CAPS2: variants seen among roughly 807,000 people sequenced by gnomAD.
CAPS2 encodes calcyphosine 2.
Under a neutral mutation model 86.5 loss-of-function variants are expected in CAPS2, and 98 were observed. The observed-to-expected ratio is 1.13, with a 90% CI of 0.96 to 1.34. The LOEUF (loss-of-function observed/expected upper bound fraction) is 1.34. Among genes scored for constraint, CAPS2 ranks in the 40% most tolerant of loss-of-function variants. CAPS2 has a pLI of 0.00. For missense variants in CAPS2, 729 were observed against 686.8 expected, an observed-to-expected ratio of 1.06 and a Z score of -0.69; for synonymous variants, 210 against 225.1, an observed-to-expected ratio of 0.93 and a Z score of 0.60.
At chr12:75,292,132 T>C (rs902012098) in intron 12 of CAPS2, among the ~76,000 whole-genome samples, 4 of 152,114 alleles carry the variant, frequency 2.6e-5, no homozygotes, top group Non-Finnish European at 4.4e-5. Context: ...AGTGGCGAGA[T>C]CTCGGCTCAC....
chr12:75,381,558 G>C (rs1286278880), intron 1 of CAPS2, among the ~76,000 whole-genome samples: 1 of 116,984 alleles, frequency 8.5e-6, no homozygotes, highest in Admixed American at 8.8e-5. Flanking sequence ...TATATTACCT[G>C]TTCATTTTCT....
intron 16 of CAPS2, 34 bp downstream of exon 16, chr12:75,282,217 C>A: frequency 9.1e-7 from 1 of 1,102,408 alleles, no homozygotes; most frequent in South Asian, 1.2e-5. Context: ...GTAACATTTT[C>A]AAAGTCCAAT....
rs2138116149 is a variant in CAPS2, at chr12:75,285,094, G to C, written c.1396-14C>G. On this transcript the variant is annotated splice_polypyrimidine_tract_variant and intron_variant, in intron 14 of 16. Transcript: ENST00000393284. The stretch of plus-strand genomic sequence containing the variant: ...AGACTCAAAATCCTAGAAACAATCA[G>C]AGATAACTGTTGCATTTTTAAGTTA... 6.3e-7 allele frequency: 1 copy of C among 1,593,142 alleles called. No individual in the cohort carries two copies. Among genetic ancestry groups the C allele is most frequent in the South Asian group, 1.2e-5 (1 of 83,702 alleles).
rs1168095973 is a variant in CAPS2 at position 75,316,145 on chromosome 12, A to G, written c.591+167T>C. The G allele has an allele frequency of 8.8e-6, 8 of 905,938 alleles. No homozygotes were observed. The Admixed American group carries it at 1.7e-4, about 20-fold the overall frequency. The allele number at this position is 905,938 out of a possible 1,614,324, so 56.1% of individuals were successfully genotyped here. ...AATTTTTTTACAGAATATATACCAA[A>G]TACAATTCAATCATTTATAAAAATG... is the stretch of plus-strand genomic sequence containing the variant. On this transcript the variant is annotated intron_variant, in intron 6 of 16. Transcript: ENST00000393284.
intron 4 of CAPS2, among the ~76,000 whole-genome samples, chr12:75,322,436 G>T (rs147798696): frequency 6.6e-6 from 1 of 152,288 alleles, no homozygotes; most frequent in Non-Finnish European, 1.5e-5. Flanking sequence ...ATGAAGCAAA[G>T]CTTCAGGGTA....
At chr12:75,371,378 G>C (rs573331390) in intron 1 of CAPS2, 8 of 213,676 alleles carry the variant, frequency 3.7e-5, no homozygotes, top group Admixed American at 2.8e-4. Context: ...GCTGGCAGCC[G>C]ATTGGATGTT....
exon 17 of CAPS2, chr12:75,277,741 T>G (rs1482013330): frequency 1.2e-6 from 1 of 835,886 alleles, no homozygotes; most frequent in Non-Finnish European, 1.4e-6. Flanking sequence ...AGTAAATATT[T>G]TCATTTTGAA....
In CAPS2 at chr12:75,379,801, G is replaced by A. The variant is rs992937809; in HGVS notation, c.-395+11037C>T. Among the ~76,000 whole-genome samples the A allele has an allele frequency of 2.1e-5, 3 of 140,434 alleles. No homozygotes were observed. In the Admixed American group the frequency reaches 2.2e-4, roughly 10 times the overall value. 92.1% of individuals were successfully genotyped at this position (140,434 alleles called of 152,430 possible). Reference sequence around the variant, plus strand: ...TCTTGGGAGAAATGGTGAAGAGATAGTTTAAACAGTATTCTCTGTAGTTTA... The same window carrying A: ...TCTTGGGAGAAATGGTGAAGAGATAATTTAAACAGTATTCTCTGTAGTTTA... On this transcript the variant is annotated intron_variant, in intron 1 of 5. Transcript: ENST00000551829.
chr12:75,358,100 C>T (rs11180473), intron 1 of CAPS2, among the ~76,000 whole-genome samples: 42,958 of 150,748 alleles, frequency 0.28, 7,574 homozygotes, highest in East Asian at 0.45. Context: ...ATCTGCAAAC[C>T]ATACTGATCA....
chr12:75,334,959 G>C (rs903171490), upstream of CAPS2: 73 of 1,501,986 alleles, frequency 4.9e-5, no homozygotes, highest in African/African-American at 9.5e-4. Flanking sequence ...AGGTATCTGG[G>C]TGATAAATTT....
intron 1 of CAPS2, among the ~76,000 whole-genome samples, chr12:75,374,519 C>G (rs2044547907): frequency 6.6e-6 from 1 of 152,218 alleles, no homozygotes; most frequent in Non-Finnish European, 1.5e-5. Context: ...GTTTATTTCC[C>G]ATCCCCTCGC....
intron 1 of CAPS2, among the ~76,000 whole-genome samples, chr12:75,361,750 A>G (rs899857175): frequency 6.6e-6 from 1 of 152,168 alleles, no homozygotes; most frequent in African/African-American, 2.4e-5. Flanking sequence ...CTCACTCACT[A>G]TCATAAGAAC....
chr12:75,370,175 A>C, intron 1 of CAPS2: 1 of 1,432,056 alleles, frequency 7.0e-7, no homozygotes, highest in Non-Finnish European at 9.8e-7. Context: ...AGAATCTTTT[A>C]ATGTCATTTA....
At chr12:75,346,795 G>A (rs771460878) in intron 1 of CAPS2, among the ~76,000 whole-genome samples, 3 of 152,040 alleles carry the variant, frequency 2.0e-5, no homozygotes, top group Admixed American at 1.3e-4. Context: ...ATCAATTTAC[G>A]AAATAGCTTA....
intron 1 of CAPS2, chr12:75,370,293 C>T (rs1049621555): frequency 3.6e-5 from 21 of 578,866 alleles, no homozygotes; most frequent in Non-Finnish European, 5.8e-5. Context: ...TTGCCTGATA[C>T]CTAAATTTAA....
chr12:75,350,882 CATA>C (rs1298353877), intron 1 of CAPS2, among the ~76,000 whole-genome samples: 5 of 152,122 alleles, frequency 3.3e-5, no homozygotes, highest in African/African-American at 1.2e-4. Context: ...TCAGAAGATG[CATA>C]ATAATGAACT....
chr12:75,354,853 A>G (rs1275099678), intron 1 of CAPS2, among the ~76,000 whole-genome samples: 1 of 152,220 alleles, frequency 6.6e-6, no homozygotes, highest in East Asian at 1.9e-4. Flanking sequence ...AGTCTTCAAC[A>G]AACCTGACAA....
intron 1 of CAPS2, among the ~76,000 whole-genome samples, chr12:75,343,092 T>C (rs745783877): frequency 6.6e-6 from 1 of 152,008 alleles, no homozygotes; most frequent in Non-Finnish European, 1.5e-5. Context: ...ATCCCAATCC[T>C]TATACATTTT....
chr12:75,324,312 G>A (rs777291418), intron 2 of CAPS2, among the ~76,000 whole-genome samples: 3 of 152,100 alleles, frequency 2.0e-5, no homozygotes, highest in Non-Finnish European at 2.9e-5. Flanking sequence ...TTGGCTACAT[G>A]GAATCTACGA....
Sources: allele counts gnomAD v4.1 joint callset (sites outside exome capture counted in the v4.1 genomes callset), GRCh38; gene constraint gnomAD v4.1.1; transcripts MANE v1.5; gene names NCBI Gene and HGNC (gene_info 2026-07-23, HGNC 2026-07-21).